Variants in TELO2 observed in about 807,000 individuals in gnomAD.
TELO2 encodes telomere length regulation protein TEL2 homolog.
TELO2 carries 71 observed loss-of-function variants against 91.0 expected under a neutral mutation model. The ratio of observed to expected loss-of-function variants is 0.78; its 90% CI spans 0.64 to 0.95. The LOEUF is 0.95. TELO2 is among the 40% of genes least tolerant of loss of function. The pLI, the probability that TELO2 is intolerant of heterozygous loss-of-function variation, is 0.00. For missense variants in TELO2, 1,183 were observed against 1,141.3 expected, an observed-to-expected ratio of 1.04 and a Z score of -0.53; for synonymous variants, 584 against 518.9, an observed-to-expected ratio of 1.13 and a Z score of -1.71.
chr16:1,498,729 AT>A (rs1259860371), intron 5 of TELO2, among the ~76,000 whole-genome samples: 2 of 103,294 alleles, frequency 1.9e-5, no homozygotes, highest in Non-Finnish European at 4.9e-5. Context: ...TTTGTGTGGA[AT>A]TTTAAGTGAT....
In TELO2 at chr16:1,494,505, T is replaced by G. The variant is rs763980364; in HGVS notation, c.224T>G (p.Leu75Arg). The G allele has an allele frequency of 8.1e-6, 13 of 1,613,296 alleles. 1 individual carries two copies. In the South Asian group the frequency reaches 1.3e-4, roughly 16 times the overall value. ...CLASRLSPAW[L>R]ELLPHGRLEE... Reference sequence around the variant, plus strand: ...GCCAGCAGGCTGAGCCCAGCCTGGCTGGAGCTGCTGCCCCATGGCCGCCTG... The same window carrying G: ...GCCAGCAGGCTGAGCCCAGCCTGGCGGGAGCTGCTGCCCCATGGCCGCCTG... The change falls in exon 2 of 21, where the codon CTG becomes CGG. Residue 75 changes from leucine to arginine, a missense_variant. Leu to Arg is a moderately radical substitution (Grantham distance 102). Coordinates refer to ENST00000262319, the MANE Select transcript of TELO2 (RefSeq NM_016111.4). This position sits in a 1 kb window ranked among gnomAD's most constrained non-coding sequence, Gnocchi z 5.6.
intron 5 of TELO2, among the ~76,000 whole-genome samples, chr16:1,499,030 C>T (rs1567296338): frequency 6.6e-6 from 1 of 152,178 alleles, no homozygotes; most frequent in Non-Finnish European, 1.5e-5. Flanking sequence ...TGCACGCGCT[C>T]TCTGGGTTGT....
chr16:1,503,512 C>T (rs893570433), intron 15 of TELO2, among the ~76,000 whole-genome samples: 6 of 152,112 alleles, frequency 3.9e-5, no homozygotes, highest in South Asian at 2.1e-4. Context: ...TTTGCACCAC[C>T]GCACTCCCGT....
At chr16:1,506,190 C>T (rs370702097) in intron 16 of TELO2, 48 bp from the exon 17 acceptor site, 99 of 1,600,026 alleles carry the variant, frequency 6.2e-5, no homozygotes, top group African/African-American at 1.9e-4. Context: ...GTGCCGTGCC[C>T]GCTGCCCAAG....
At position 1,499,319 on chromosome 16, in the gene TELO2, C is replaced by A. The variant is rs2039595092; in HGVS notation, c.919C>A (p.Gln307Lys). The A allele has an allele frequency of 6.2e-7, 1 of 1,608,794 alleles. No homozygotes were observed. The highest frequency in any genetic ancestry group is 8.5e-7 in the Non-Finnish European group (1 of 1,179,090). ...FVMTQKLLFL[Q>K]SRLTTPMLQS... is the part of the protein sequence containing the mutation. ...GATGACCCAGAAGCTTCTGTTCTTA[C>A]AGTCCCGGCTCACGGTGAGGACGCC... Residue 307 changes from glutamine to lysine, a missense_variant, in exon 6 of 21, where the codon CAG becomes AAG. Coordinates refer to ENST00000262319, the MANE Select transcript of TELO2 (RefSeq NM_016111.4).
chr16:1,493,530 C>G lies in TELO2; in HGVS notation c.-112C>G, dbSNP rs2039374350. 2 of 152,246 alleles carry G rather than the reference C, an allele frequency of 1.3e-5. No homozygotes were observed. The allele number at this position is 152,246 out of a possible 1,614,324, so 9.4% of individuals were successfully genotyped here. A position where few individuals can be genotyped will look rare whatever the true frequency, so the allele number is the denominator to read the frequency against. ...GCGTTTCGTCCGGGGCCGCGGCGGCCGTGGGGAATCGGCTGCAGCGAATCG... is the reference window on the plus strand; with the variant it reads ...GCGTTTCGTCCGGGGCCGCGGCGGCGGTGGGGAATCGGCTGCAGCGAATCG... On this transcript the variant is annotated 5_prime_UTR_variant, in exon 1 of 21. Coordinates refer to ENST00000262319, the MANE Select transcript of TELO2 (RefSeq NM_016111.4). The surrounding 1 kb of genome is among the most constrained non-coding windows in gnomAD (Gnocchi z 4.3).
At chr16:1,506,640 C>T (rs1160567159) in intron 17 of TELO2, 23 of 1,378,064 alleles carry the variant, frequency 1.7e-5, no homozygotes, top group African/African-American at 5.8e-5. Flanking sequence ...CCTCAGCCGG[C>T]GCTGCACTGG....
intron 5 of TELO2, among the ~76,000 whole-genome samples, chr16:1,498,203 C>T (rs1193028792): frequency 1.3e-5 from 2 of 151,934 alleles, no homozygotes; most frequent in Non-Finnish European, 2.9e-5. Context: ...TTAGTATAGA[C>T]GGGGTTTTGC....
chr16:1,507,285 T>G, intron 18 of TELO2, 21 bp from the exon 19 acceptor site: 1 of 1,606,126 alleles, frequency 6.2e-7, no homozygotes, highest in East Asian at 2.2e-5. Flanking sequence ...CCCCACTGAC[T>G]GTCCCTCTGC....
chr16:1,505,010 C>T lies in TELO2; in HGVS notation c.1843-400C>T, dbSNP rs912504096. On this transcript the variant is annotated intron_variant, in intron 15 of 20. Coordinates refer to ENST00000262319, the MANE Select transcript of TELO2 (RefSeq NM_016111.4). This position sits in a 1 kb window ranked among gnomAD's most constrained non-coding sequence, Gnocchi z 4.3. Reference sequence around the variant, plus strand: ...TGAGAAGGTGTCCTAGAGATGGAGGCGCACATGGGTCCTTGGTGCCTTCTC... The same window carrying T: ...TGAGAAGGTGTCCTAGAGATGGAGGTGCACATGGGTCCTTGGTGCCTTCTC... 1.3e-4 allele frequency: 23 copies of T among 172,168 alleles called. No homozygotes were observed. Among genetic ancestry groups the T allele is most frequent in the Admixed American group, 9.5e-4 (17 of 17,864 alleles). The allele number at this position is 172,168 out of a possible 1,614,324, so 10.7% of individuals were successfully genotyped here. A position where few individuals can be genotyped will look rare whatever the true frequency, so the allele number is the denominator to read the frequency against.
chr16:1,503,116 C>T, intron 15 of TELO2, 114 bp downstream of exon 15: 1 of 1,175,652 alleles, frequency 8.5e-7, no homozygotes. Flanking sequence ...GCAGGCCTGT[C>T]CACTGCCTTC....
intron 5 of TELO2, among the ~76,000 whole-genome samples, chr16:1,498,403 A>G (rs4786994): frequency 0.049 from 7,409 of 152,072 alleles, 464 homozygotes; most frequent in East Asian, 0.19. Flanking sequence ...TCATGTAATC[A>G]CATTCTATTT....
intron 18 of TELO2, 65 bp downstream of exon 18, chr16:1,507,116 C>G: frequency 1.3e-6 from 2 of 1,527,798 alleles, no homozygotes; most frequent in Non-Finnish European, 1.8e-6. Context: ...GCTCCTCAGC[C>G]TCACCTGCGC....
At position 1,497,461 on chromosome 16, in the gene TELO2, C is replaced by G; in HGVS notation, c.783C>G (p.Asp261Glu). The change falls in exon 5 of 21, where the codon GAC (aspartate) becomes GAG (glutamate). Residue 261 changes from aspartate (D) to glutamate (E), a missense_variant. Coordinates refer to ENST00000262319, the MANE Select transcript of TELO2 (RefSeq NM_016111.4). The surrounding 1 kb of genome is among the most constrained non-coding windows in gnomAD (Gnocchi z 4.0). ...GGCGCCTGGTGGAGCAAGTGCCGGA[C>G]CGGGCCATGGAGGCTGTGCTGACCG... is the stretch of plus-strand genomic sequence containing the variant. ...VCWRLVEQVP[D>E]RAMEAVLTGL... The G allele has an allele frequency of 6.4e-7, 1 of 1,574,304 alleles. No homozygotes were observed. The highest frequency in any genetic ancestry group is 1.2e-5 in the South Asian group (1 of 85,968).
Position 1,494,412 on chromosome 16 carries a change from C to T in TELO2, c.131C>T (p.Pro44Leu), listed in dbSNP as rs1312578043. The T allele has an allele frequency of 6.2e-7, 1 of 1,613,332 alleles. No homozygotes were observed. Among genetic ancestry groups the T allele is most frequent in the South Asian group, 1.1e-5 (1 of 91,068 alleles). Residue 44 changes from proline to leucine, a missense_variant, in exon 2 of 21, where the codon CCT (proline) becomes CTT (leucine). By Grantham distance (98) the Pro-to-Leu change is moderately conservative. Coordinates refer to ENST00000262319, the MANE Select transcript of TELO2 (RefSeq NM_016111.4). The surrounding 1 kb of genome is among the most constrained non-coding windows in gnomAD (Gnocchi z 5.6). ...AAGCGGTATCTCGGTGAGATGGAGC[C>T]TCCAGCGCTCCCGAGGGAGAAGGAG... ...SLKRYLGEMEPPALPREKEEF... is the reference protein window; with the variant it reads ...SLKRYLGEMELPALPREKEEF...
intron 15 of TELO2, among the ~76,000 whole-genome samples, chr16:1,504,127 TAAAAAAA>T (rs34788034): frequency 4.1e-4 from 43 of 104,890 alleles, no homozygotes; most frequent in Non-Finnish European, 5.8e-4. Context: ...TCTGTCTCTT[TAAAAAAA>T]AAAAAAAAAA....
At position 1,501,773 on chromosome 16, in the gene TELO2, G is replaced by A. The variant is rs201438774; in HGVS notation, c.1472G>A (p.Ser491Asn). 4 of 1,606,648 alleles carry A rather than the reference G, an allele frequency of 2.5e-6. No homozygotes were observed. Among genetic ancestry groups the A allele is most frequent in the Admixed American group, 1.7e-5 (1 of 59,646 alleles). Residue 491 changes from serine (S) to asparagine (N), a missense_variant and splice_region_variant, in exon 11 of 21, where the codon AGC becomes AAC. Coordinates refer to ENST00000262319, the MANE Select transcript of TELO2 (RefSeq NM_016111.4). ...GCGGGCTCTGACTCGGACCTGGACAGGTAGGGGCTCTGCCACCCCAGTGGG... is the reference window on the plus strand; with the variant it reads ...GCGGGCTCTGACTCGGACCTGGACAAGTAGGGGCTCTGCCACCCCAGTGGG... The part of the protein sequence containing the change: ...QLAGSDSDLD[S>N]DDEFVPYDMS...
chr16:1,496,244 C>A (rs1017098521), intron 3 of TELO2, among the ~76,000 whole-genome samples: 1 of 152,212 alleles, frequency 6.6e-6, no homozygotes, highest in Non-Finnish European at 1.5e-5. Flanking sequence ...AACTCCCTCC[C>A]TCGCTCAGGG....
At chr16:1,506,842 A>T in intron 17 of TELO2, 110 bp from the exon 18 acceptor site, 1 of 1,438,850 alleles carries the variant, frequency 6.9e-7, no homozygotes, top group Non-Finnish European at 9.1e-7. Flanking sequence ...GGCGGTGGGC[A>T]CGGGAGGAGG....
Sources: allele counts gnomAD v4.1 joint callset (sites outside exome capture counted in the v4.1 genomes callset), GRCh38; gene constraint gnomAD v4.1.1; non-coding constraint Gnocchi (gnomAD v3.1); transcripts MANE v1.5; gene names NCBI Gene and HGNC (gene_info 2026-07-23, HGNC 2026-07-21).